The following ACTR3C variants were observed in gnomAD, a reference collection of about 807,000 sequenced individuals.
ACTR3C encodes actin related protein 3C.
In ACTR3C, 18 loss-of-function variants were observed where a neutral mutation model predicts 26.3. The ratio of observed to expected loss-of-function variants is 0.68; its 90% CI spans 0.47 to 1.01. The LOEUF is 1.01. Among genes scored for constraint, ACTR3C ranks in the 50% least tolerant of loss-of-function variants. The pLI is 0.00. For synonymous variants in ACTR3C, 55 were observed against 94.5 expected (o/e 0.58, Z 2.42); for missense variants, 184 against 250.7 (o/e 0.73, Z 1.80).
At chr7:149,894,341 A>AT in the ACTR3C span, among the ~76,000 whole-genome samples, 1 of 152,178 alleles carries the variant, frequency 6.6e-6, no homozygotes, top group Non-Finnish European at 1.5e-5. Context: ...CTGGGCAAGG[A>AT]TTTTTTTGGA....
At chr7:150,047,627 G>C in the ACTR3C span, 1 of 1,042,528 alleles carries the variant, frequency 9.6e-7, no homozygotes, top group South Asian at 4.4e-5. Flanking sequence ...TGTCACCATC[G>C]CTCCGCGCCT....
chr7:150,287,578 C>T (rs1269457831), intron 4 of ACTR3C, among the ~76,000 whole-genome samples: 1 of 152,236 alleles, frequency 6.6e-6, no homozygotes, highest in Non-Finnish European at 1.5e-5. Context: ...GGCCGCCCAG[C>T]TGGCGCTGAG....
the ACTR3C span, among the ~76,000 whole-genome samples, chr7:150,021,059 G>A: frequency 6.6e-6 from 1 of 152,000 alleles, no homozygotes; most frequent in African/African-American, 2.4e-5. Flanking sequence ...GACCTCAGGC[G>A]ATCCACCTGC....
chr7:149,926,674 C>T, the ACTR3C span, among the ~76,000 whole-genome samples: 7 of 152,112 alleles, frequency 4.6e-5, no homozygotes, highest in Non-Finnish European at 1.0e-4. Context: ...GTAGGCTCCA[C>T]CCCACATCTT....
the ACTR3C span, among the ~76,000 whole-genome samples, chr7:150,025,696 G>A: frequency 6.6e-6 from 1 of 152,114 alleles, no homozygotes; most frequent in East Asian, 1.9e-4. Context: ...TAGTGAAATG[G>A]ATGAAACGAG....
the ACTR3C span, among the ~76,000 whole-genome samples, chr7:150,024,782 A>G: frequency 6.9e-6 from 1 of 145,214 alleles, no homozygotes; most frequent in Admixed American, 7.0e-5. Context: ...ATGATACTGG[A>G]AACAGTGAGC....
At chr7:150,077,255 T>C in the ACTR3C span, among the ~76,000 whole-genome samples, 1 of 152,190 alleles carries the variant, frequency 6.6e-6, no homozygotes, top group African/African-American at 2.4e-5. Context: ...CTGATTGTTA[T>C]AGAGCAACAT....
At chr7:150,096,241 A>G in the ACTR3C span, among the ~76,000 whole-genome samples, 1 of 150,404 alleles carries the variant, frequency 6.6e-6, no homozygotes, top group Non-Finnish European at 1.5e-5. Context: ...ATCTAACAAT[A>G]AAACAATGCA....
At chr7:149,933,856 A>G in the ACTR3C span, among the ~76,000 whole-genome samples, 153 of 148,726 alleles carry the variant, frequency 1.0e-3, no homozygotes, top group African/African-American at 3.6e-3. Context: ...TCCATTCAAC[A>G]CTAGTCAGAC....
chr7:149,990,921 C>T, the ACTR3C span, among the ~76,000 whole-genome samples: 4 of 152,186 alleles, frequency 2.6e-5, no homozygotes, highest in East Asian at 1.9e-4. Context: ...AAAAGTGAGA[C>T]CGGAAAGCGA....
the ACTR3C span, among the ~76,000 whole-genome samples, chr7:150,014,728 G>C: frequency 6.6e-6 from 1 of 152,172 alleles, no homozygotes. Context: ...ATGCTTAGTG[G>C]GCCCCTTCTG....
chr7:149,884,564 AT>A, the ACTR3C span, among the ~76,000 whole-genome samples: 1 of 152,094 alleles, frequency 6.6e-6, no homozygotes, highest in African/African-American at 2.4e-5. Context: ...AACATGGTAT[AT>A]ACCTACATGT....
chr7:150,270,445 G>T (rs1265656495), intron 6 of ACTR3C, among the ~76,000 whole-genome samples: 128 of 150,702 alleles, frequency 8.5e-4, no homozygotes, highest in African/African-American at 3.0e-3. Context: ...GGACGCTGAG[G>T]CACAGTGAGA....
At chr7:150,217,137 C>T in the ACTR3C span, among the ~76,000 whole-genome samples, 31 of 146,306 alleles carry the variant, frequency 2.1e-4, no homozygotes, top group African/African-American at 6.1e-4. Flanking sequence ...GGTCCTGCTG[C>T]GAGCCCCACA....
the ACTR3C span, among the ~76,000 whole-genome samples, chr7:150,156,784 T>TA: frequency 6.6e-6 from 1 of 152,236 alleles, no homozygotes; most frequent in South Asian, 2.1e-4. Context: ...CAGTGCCTCT[T>TA]ACACCAATGT....
chr7:150,036,350 T>C, the ACTR3C span, among the ~76,000 whole-genome samples: 5 of 147,680 alleles, frequency 3.4e-5, no homozygotes, highest in Admixed American at 3.3e-4. Flanking sequence ...TGTCTAGTTG[T>C]TTAGAGACGT....
the ACTR3C span, among the ~76,000 whole-genome samples, chr7:150,005,487 A>G: frequency 6.6e-6 from 1 of 152,054 alleles, no homozygotes; most frequent in Non-Finnish European, 1.5e-5. Flanking sequence ...CACGATGAAC[A>G]AAATGCTGGG....
chr7:150,293,256 T>C, intron 3 of ACTR3C, 56 bp downstream of exon 3: 1 of 1,520,228 alleles, frequency 6.6e-7, no homozygotes. Flanking sequence ...TTTCCATCCT[T>C]ACCTCGAATC....
chr7:149,928,174 A>T, the ACTR3C span, among the ~76,000 whole-genome samples: 5 of 151,494 alleles, frequency 3.3e-5, no homozygotes, highest in South Asian at 4.2e-4. Context: ...AAATACAAAA[A>T]GATATCCTTG....
Sources: allele counts gnomAD v4.1 joint callset (sites outside exome capture counted in the v4.1 genomes callset), GRCh38; gene constraint gnomAD v4.1.1; transcripts MANE v1.5; gene names NCBI Gene and HGNC (gene_info 2026-07-23, HGNC 2026-07-21).